SLC4A4: variants seen among roughly 807,000 people sequenced by gnomAD.
The protein encoded by SLC4A4 is solute carrier family 4 member 4, also known as electrogenic sodium bicarbonate cotransporter 1.
SLC4A4 carries 27 observed loss-of-function variants against 111.5 expected under a neutral mutation model. The observed-to-expected ratio is 0.24, with a 90% CI of 0.18 to 0.33. The LOEUF is 0.33. Ranked by LOEUF, SLC4A4 falls within the 10% of genes least tolerant of loss-of-function variation. The pLI, the probability that SLC4A4 is intolerant of heterozygous loss-of-function variation, is 1.00. For synonymous variants in SLC4A4, 443 were observed against 463.4 expected, an observed-to-expected ratio of 0.96 and a Z score of 0.57; for missense variants, 909 against 1,315.5, an observed-to-expected ratio of 0.69 and a Z score of 4.78.
intron 2 of SLC4A4, among the ~76,000 whole-genome samples, chr4:71,146,980 T>C (rs1288837955): frequency 6.6e-6 from 1 of 152,128 alleles, no homozygotes; most frequent in Admixed American, 6.5e-5. Context: ...CAGTGTGCTG[T>C]ATTCAGGAAA....
At chr4:71,535,217 A>G (rs1404325786) in intron 18 of SLC4A4, among the ~76,000 whole-genome samples, 2 of 152,182 alleles carry the variant, frequency 1.3e-5, no homozygotes, top group Non-Finnish European at 2.9e-5. Flanking sequence ...AATGCATTAG[A>G]GTCTGTTACC....
intron 2 of SLC4A4, among the ~76,000 whole-genome samples, chr4:71,181,087 C>T (rs545113007): frequency 8.8e-4 from 134 of 151,680 alleles, no homozygotes; most frequent in South Asian, 2.7e-3. Context: ...AAGCCGGAAA[C>T]CATCACTCTC....
chr4:71,323,703 C>G (rs1216517584), intron 3 of SLC4A4, among the ~76,000 whole-genome samples: 1 of 152,034 alleles, frequency 6.6e-6, no homozygotes, highest in Non-Finnish European at 1.5e-5. Flanking sequence ...TCAATCAGGA[C>G]AGCACAATGT....
intron 3 of SLC4A4, among the ~76,000 whole-genome samples, chr4:71,329,086 A>G (rs1489002930): frequency 1.3e-5 from 2 of 151,906 alleles, no homozygotes; most frequent in South Asian, 2.1e-4. Context: ...TTTTTCCCCA[A>G]TGTATGTTCT....
chr4:71,202,049 G>C (rs1307045475), intron 1 of SLC4A4, among the ~76,000 whole-genome samples: 2 of 152,210 alleles, frequency 1.3e-5, no homozygotes, highest in African/African-American at 4.8e-5. Flanking sequence ...CCAGGGGATA[G>C]TGTCCAGCTG....
At chr4:71,257,570 T>C (rs911863321) in intron 3 of SLC4A4, among the ~76,000 whole-genome samples, 21 of 152,204 alleles carry the variant, frequency 1.4e-4, no homozygotes, top group African/African-American at 3.4e-4. Context: ...GCCATAGGGC[T>C]CTGGCACCAA....
Position 71,082,602 on chromosome 4 carries a change from T to A in SLC4A4, c.-64-10128T>A, listed in dbSNP as rs114260552. Among the ~76,000 whole-genome samples, 358 of 152,190 alleles carry A rather than the reference T, an allele frequency of 2.4e-3. 13 individuals carry two copies. The highest frequency in any genetic ancestry group is 8.4e-3 in the African/African-American group (347 of 41,444). On this transcript the variant is annotated intron_variant, in intron 1 of 26. Transcript: ENST00000649996. ...CAGAAAATTATGTTGAGAGAAACTA[T>A]TTCAAACATTGGGGAAACAATAGAG...
chr4:71,250,133 CT>C (rs1185643371), intron 2 of SLC4A4, among the ~76,000 whole-genome samples: 1 of 87,622 alleles, frequency 1.1e-5, no homozygotes, highest in Non-Finnish European at 3.4e-5. Context: ...CTACATTTTT[CT>C]TTTCTTAATA....
intron 7 of SLC4A4, among the ~76,000 whole-genome samples, chr4:71,419,250 G>T (rs1002543813): frequency 6.6e-6 from 1 of 152,218 alleles, no homozygotes; most frequent in Non-Finnish European, 1.5e-5. Flanking sequence ...ATTTAAGTCT[G>T]CAGAGGTTAC....
At chr4:71,419,587 G>T (rs1321820468) in intron 7 of SLC4A4, among the ~76,000 whole-genome samples, 2 of 152,222 alleles carry the variant, frequency 1.3e-5, no homozygotes, top group Non-Finnish European at 2.9e-5. Flanking sequence ...GATTTTCCAG[G>T]TGCTGTCTGT....
chr4:71,300,976 G>C (rs1197443243), intron 3 of SLC4A4: 1 of 494,482 alleles, frequency 2.0e-6, no homozygotes, highest in Non-Finnish European at 4.2e-6. Flanking sequence ...CATGTGAAGG[G>C]AGCAGCTTAG....
At chr4:71,174,116 A>C (rs550285107) in intron 2 of SLC4A4, among the ~76,000 whole-genome samples, 1 of 152,314 alleles carries the variant, frequency 6.6e-6, no homozygotes, top group East Asian at 1.9e-4. Flanking sequence ...TGCTTAGATA[A>C]AAGTACAACA....
chr4:71,151,487 G>A (rs962965303), intron 2 of SLC4A4, among the ~76,000 whole-genome samples: 3 of 151,884 alleles, frequency 2.0e-5, no homozygotes, highest in Non-Finnish European at 2.9e-5. Context: ...TACCTTTAAT[G>A]ACATTTAATG....
At chr4:71,274,266 G>C (rs1182179105) in intron 3 of SLC4A4, among the ~76,000 whole-genome samples, 1 of 152,138 alleles carries the variant, frequency 6.6e-6, no homozygotes, top group Non-Finnish European at 1.5e-5. Flanking sequence ...TCGTCATCTT[G>C]ACATTGAGTA....
intron 1 of SLC4A4, among the ~76,000 whole-genome samples, chr4:71,070,443 T>C (rs1179619428): frequency 6.6e-6 from 1 of 152,222 alleles, no homozygotes; most frequent in Non-Finnish European, 1.5e-5. Context: ...TAAAGGCTTC[T>C]TGATGAAAGC....
intron 2 of SLC4A4, among the ~76,000 whole-genome samples, chr4:71,121,958 A>G (rs547306729): frequency 3.9e-5 from 6 of 152,220 alleles, no homozygotes; most frequent in Middle Eastern, 3.4e-3. Context: ...GGGAGGAATG[A>G]ACAACTCCAG....
chr4:71,080,706 T>C (rs935349813), intron 1 of SLC4A4, among the ~76,000 whole-genome samples: 1 of 152,078 alleles, frequency 6.6e-6, no homozygotes, highest in African/African-American at 2.4e-5. Context: ...CTTTTAGACT[T>C]GAGGCTAACT....
chr4:71,118,259 T>G (rs893907691), intron 2 of SLC4A4, among the ~76,000 whole-genome samples: 1 of 152,216 alleles, frequency 6.6e-6, no homozygotes, highest in Non-Finnish European at 1.5e-5. Flanking sequence ...CTATTTCTAT[T>G]TTTTAGTGGT....
chr4:71,144,948 C>T lies in SLC4A4; in HGVS notation c.-2+52156C>T, dbSNP rs1020811785. On this transcript the variant is annotated intron_variant, in intron 2 of 26. Coordinates refer to the SLC4A4 transcript ENST00000649996. ...ATTGAATGCCCTTTATTTCCTTCTC[C>T]TGCCTGATTGCCCTGGCCAGAACTT... 5.9e-5 allele frequency among the ~76,000 whole-genome samples: 9 copies of T among 152,002 alleles called. No homozygotes were observed. In the East Asian group the frequency reaches 1.4e-3, roughly 23 times the overall value.
Sources: allele counts gnomAD v4.1 joint callset (sites outside exome capture counted in the v4.1 genomes callset), GRCh38; gene constraint gnomAD v4.1.1; transcripts MANE v1.5; gene names NCBI Gene and HGNC (gene_info 2026-07-23, HGNC 2026-07-21).